The following TRRAP variants were observed in gnomAD, a reference collection of about 807,000 sequenced individuals.
TRRAP encodes transformation/transcription domain associated protein.
Under a neutral mutation model 438.8 loss-of-function variants are expected in TRRAP, and 41 were observed. That is an observed-to-expected ratio of 0.09 (90% CI 0.07 to 0.12). TRRAP has a LOEUF of 0.12. Among genes scored for constraint, TRRAP ranks in the 10% least tolerant of loss-of-function variants. The pLI is 1.00. For synonymous variants in TRRAP, 1,994 were observed against 1,962.9 expected (o/e 1.02, Z -0.42); for missense variants, 3,122 against 5,055.1 (o/e 0.62, Z 11.60).
chr7:98,882,086 C>A (rs1554403200), intron 3 of TRRAP, 62 bp downstream of exon 3: 3 of 1,404,144 alleles, frequency 2.1e-6, no homozygotes, highest in Non-Finnish European at 2.9e-6. Flanking sequence ...ACTTTCCTGT[C>A]CTGCTTTGTC....
At chr7:99,008,690 A>G in intron 70 of TRRAP, 129 bp downstream of exon 70, 1 of 1,011,764 alleles carries the variant, frequency 9.9e-7, no homozygotes, top group Non-Finnish European at 1.4e-6. Context: ...CATTTAAAGT[A>G]ACTTTATTAG....
intron 64 of TRRAP, among the ~76,000 whole-genome samples, chr7:98,991,160 C>T (rs1307534642): frequency 6.6e-6 from 1 of 152,214 alleles, no homozygotes; most frequent in Non-Finnish European, 1.5e-5. Context: ...ATAACCATCT[C>T]TTGAGAATGA....
At chr7:98,920,990 C>T (rs1789765264) in intron 20 of TRRAP, among the ~76,000 whole-genome samples, 2 of 152,182 alleles carry the variant, frequency 1.3e-5, no homozygotes, top group South Asian at 4.1e-4. Context: ...CAGGCATGTG[C>T]CACCACGCCC....
At chr7:99,002,016 A>G (rs957301225) in intron 67 of TRRAP, among the ~76,000 whole-genome samples, 9 of 152,098 alleles carry the variant, frequency 5.9e-5, no homozygotes, top group African/African-American at 9.7e-5. Flanking sequence ...GCTGAGTGCA[A>G]AAAGCCAACT....
In TRRAP at chr7:98,948,429, C is replaced by G; in HGVS notation, c.4668+89C>G. 2 of 1,609,926 alleles carry G rather than the reference C, an allele frequency of 1.2e-6. No homozygotes were observed. The highest frequency in any genetic ancestry group is 1.7e-5 in the Admixed American group (1 of 59,934). On this transcript the variant is annotated intron_variant, in intron 34 of 72. Coordinates refer to ENST00000456197, the MANE Select transcript of TRRAP (RefSeq NM_001375524.1). This position sits in a 1 kb window ranked among gnomAD's most constrained non-coding sequence, Gnocchi z 4.9. ...TTGATCGTATTTTCAATGGACGGAA[C>G]AGCATAAAGACGTTCGATGTCAACA...
chr7:98,959,262 C>T (rs1791771968), intron 44 of TRRAP, 82 bp from the exon 45 acceptor site: 3 of 1,563,760 alleles, frequency 1.9e-6, no homozygotes, highest in Non-Finnish European at 8.7e-7. Context: ...AGGGCCAGGG[C>T]ACAGTTGAGA....
At position 98,955,322 on chromosome 7, in the gene TRRAP, T is replaced by A; in HGVS notation, c.5937+18T>A. The A allele has an allele frequency of 6.3e-7, 1 of 1,593,530 alleles. No homozygotes were observed. ...ACTTCAAGGTGTGTAGGAGGGACGG[T>A]GGGCTGCGGGGCGCGCGTCTTCAGG... On this transcript the variant is annotated intron_variant, in intron 41 of 72. Coordinates refer to ENST00000456197, the MANE Select transcript of TRRAP (RefSeq NM_001375524.1).
At chr7:98,985,146 T>C in intron 62 of TRRAP, 102 bp downstream of exon 62, 1 of 833,708 alleles carries the variant, frequency 1.2e-6, no homozygotes, top group Non-Finnish European at 1.9e-6. Flanking sequence ...GAAATGGGTA[T>C]GATTTGGTGA....
In TRRAP at chr7:98,988,978, A is replaced by G; in HGVS notation, c.9591+12A>G. The G allele has an allele frequency of 6.2e-7, 1 of 1,609,738 alleles. No homozygotes were observed. Among genetic ancestry groups the G allele is most frequent in the Non-Finnish European group, 8.5e-7 (1 of 1,177,960 alleles). ...AATACTTAGCCAAGGTGAGACCGAA[A>G]AAACGAGCTTTGACCAGAGGCCATC... On this transcript the variant is annotated intron_variant, in intron 63 of 72. Coordinates refer to ENST00000456197, the MANE Select transcript of TRRAP (RefSeq NM_001375524.1).
intron 12 of TRRAP, 58 bp downstream of exon 12, chr7:98,903,575 G>A: frequency 1.2e-6 from 2 of 1,602,158 alleles, no homozygotes; most frequent in Non-Finnish European, 1.7e-6. Context: ...CATCTTTGGG[G>A]ACTCGGCTGA....
intron 62 of TRRAP, 58 bp from the exon 63 acceptor site, chr7:98,988,707 A>G: frequency 6.3e-7 from 1 of 1,577,396 alleles, no homozygotes; most frequent in East Asian, 2.3e-5. Context: ...ATTTCAGATT[A>G]CGTGAAGCTC....
At chr7:98,889,396 A>G (rs901042714) in intron 3 of TRRAP, among the ~76,000 whole-genome samples, 4 of 152,132 alleles carry the variant, frequency 2.6e-5, no homozygotes, top group Admixed American at 2.6e-4. Context: ...ATATTAACTC[A>G]TGCAGTCTTC....
intron 20 of TRRAP, among the ~76,000 whole-genome samples, chr7:98,918,984 CAAAAAAAAAAAAA>C (rs782343068): frequency 1.4e-5 from 1 of 73,584 alleles, no homozygotes; most frequent in African/African-American, 4.9e-5. Flanking sequence ...TAAACTGTCT[CAAAAAAAAAAAAA>C]AAAGAAAAAA....
chr7:98,916,547 A>T (rs1018238333), intron 19 of TRRAP, among the ~76,000 whole-genome samples: 2 of 152,148 alleles, frequency 1.3e-5, no homozygotes, highest in African/African-American at 4.8e-5. Context: ...GACATAGGCT[A>T]CCCAGGAGGC....
intron 31 of TRRAP, 42 bp downstream of exon 31, chr7:98,943,059 T>G (rs782336485): frequency 1.2e-6 from 2 of 1,610,352 alleles, no homozygotes; most frequent in Admixed American, 3.3e-5. Context: ...CCAGCCGCCA[T>G]GCTGGGTCAG....
chr7:98,911,014 A>G, intron 16 of TRRAP, 63 bp from the exon 17 acceptor site: 4 of 1,455,952 alleles, frequency 2.7e-6, no homozygotes, highest in Non-Finnish European at 1.9e-6. Flanking sequence ...TGGTTACATA[A>G]TGGAACATAT....
chr7:99,005,985 A>G lies in TRRAP; in HGVS notation c.10753+637A>G, dbSNP rs1332671441. ...TTTCCAGCGCGCCTCTAGCTGCTTC[A>G]CACGCTGCACTCTGGGCCCTCCCTG... On this transcript the variant is annotated intron_variant, in intron 69 of 72. Transcript: ENST00000456197. This position sits in a 1 kb window ranked among gnomAD's most constrained non-coding sequence, Gnocchi z 5.1. 6.6e-6 allele frequency among the ~76,000 whole-genome samples: 1 copy of G among 152,162 alleles called. No individual in the cohort carries two copies. Among genetic ancestry groups the G allele is most frequent in the Non-Finnish European group, 1.5e-5 (1 of 68,032 alleles).
intron 18 of TRRAP, among the ~76,000 whole-genome samples, chr7:98,913,267 C>T (rs1200482894): frequency 7.9e-5 from 12 of 152,004 alleles, no homozygotes; most frequent in Non-Finnish European, 1.0e-4. Flanking sequence ...AACAGTTGTC[C>T]ACTTCACTCA....
At chr7:98,901,285 TCTC>T (rs1796454727) in intron 11 of TRRAP, among the ~76,000 whole-genome samples, 1 of 152,334 alleles carries the variant, frequency 6.6e-6, no homozygotes, top group East Asian at 1.9e-4. Context: ...GGGAGAGTTC[TCTC>T]CTCCTCTTAC....
Sources: allele counts gnomAD v4.1 joint callset (sites outside exome capture counted in the v4.1 genomes callset), GRCh38; gene constraint gnomAD v4.1.1; non-coding constraint Gnocchi (gnomAD v3.1); transcripts MANE v1.5; gene names NCBI Gene and HGNC (gene_info 2026-07-23, HGNC 2026-07-21).